SPAG11B: variants seen among roughly 807,000 people sequenced by gnomAD.
SPAG11B encodes sperm associated antigen 11B, also known as sperm-associated antigen 11B.
SPAG11B carries 5 observed loss-of-function variants against 8.9 expected under a neutral mutation model. That is an observed-to-expected ratio of 0.56 (90% CI 0.29 to 1.19). The LOEUF (loss-of-function observed/expected upper bound fraction) is 1.19, where lower values mean the gene tolerates loss of function less well. Among genes scored for constraint, SPAG11B ranks in the 50% most tolerant of loss-of-function variants. The pLI is 0.08. For synonymous variants in SPAG11B, 12 were observed against 53.0 expected (o/e 0.23, Z 3.36); for missense variants, 38 against 146.4 (o/e 0.26, Z 3.82).
chr8:7,458,857 A>ATATGTAAGG (rs1810605582), intron 2 of SPAG11B, among the ~76,000 whole-genome samples: 1 of 96,402 alleles, frequency 1.0e-5, no homozygotes, highest in African/African-American at 5.3e-5. Context: ...GGAGGAAAGA[A>ATATGTAAGG]TATGTAAGGT....
At chr8:7,453,659 A>T (rs1160236591) in intron 2 of SPAG11B, among the ~76,000 whole-genome samples, 1 of 150,114 alleles carries the variant, frequency 6.7e-6, no homozygotes, top group Non-Finnish European at 1.5e-5. Context: ...TCTTACCTAG[A>T]CATGGATTTT....
At chr8:7,450,449 G>A (rs371545480), downstream of SPAG11B, 117 of 816,326 alleles carry the variant, frequency 1.4e-4, 1 homozygote, top group East Asian at 1.5e-3. Flanking sequence ...TTTGGAGCTC[G>A]GTTTCTAGTC....
intron 2 of SPAG11B, among the ~76,000 whole-genome samples, chr8:7,453,308 A>T (rs1395195138): frequency 6.8e-6 from 1 of 147,098 alleles, no homozygotes; most frequent in Non-Finnish European, 1.5e-5. Flanking sequence ...ATTTGATTTT[A>T]GTCCCAGGAT....
rs544564533 is a variant in SPAG11B, at chr8:7,454,096, A to G, written c.215-3196T>C. Among the ~76,000 whole-genome samples the G allele has an allele frequency of 1.3e-3, 162 of 122,412 alleles. 2 individuals carry two copies. The highest frequency in any genetic ancestry group is 0.013 in the Middle Eastern group (3 of 234). 80.3% of individuals were successfully genotyped at this position (122,412 alleles called of 152,430 possible). A position where few individuals can be genotyped will look rare whatever the true frequency, so the allele number is the denominator to read the frequency against. On this transcript the variant is annotated intron_variant, in intron 2 of 2. Coordinates refer to ENST00000398462, the MANE Select transcript of SPAG11B (RefSeq NM_058201.4). ...CTGAAATCTCTCAAAAAAAAAAAAA[A>G]AAAGAAAGAAAGAAAGAAAAGCAAT...
intron 2 of SPAG11B, chr8:7,451,319 T>C (rs1810143600): frequency 2.7e-6 from 2 of 748,428 alleles, no homozygotes; most frequent in Non-Finnish European, 4.1e-6. Context: ...TTTTTAGTTT[T>C]ATGTCCTACA....
At chr8:7,462,893 C>A (rs1402254362) in intron 1 of SPAG11B, 34 bp from the exon 2 acceptor site, 1 of 1,613,706 alleles carries the variant, frequency 6.2e-7, no homozygotes, top group Non-Finnish European at 8.5e-7. Context: ...TGAGGATGCT[C>A]TGAGGCCTCC....
intron 2 of SPAG11B, among the ~76,000 whole-genome samples, chr8:7,453,616 A>C (rs1364182255): frequency 6.7e-6 from 1 of 150,326 alleles, no homozygotes. Flanking sequence ...TGCGTTATTT[A>C]ACCAGTCTAC....
intron 2 of SPAG11B, 149 bp from the exon 3 acceptor site, chr8:7,451,049 C>G (rs2128872117): frequency 6.6e-7 from 1 of 1,505,840 alleles, no homozygotes; most frequent in East Asian, 2.3e-5. Context: ...GGCCTCTTAG[C>G]TTTAAAACAG....
intron 2 of SPAG11B, among the ~76,000 whole-genome samples, chr8:7,458,107 T>A: frequency 7.4e-6 from 1 of 134,958 alleles, no homozygotes; most frequent in South Asian, 2.6e-4. Context: ...GCAAAGAGAA[T>A]AATGAGCTCA....
chr8:7,453,068 T>C (rs1810278883), intron 2 of SPAG11B, among the ~76,000 whole-genome samples: 1 of 144,534 alleles, frequency 6.9e-6, no homozygotes, highest in South Asian at 2.2e-4. Flanking sequence ...CATGCTCTTC[T>C]CTCATTTGAT....
At position 7,453,152 on chromosome 8, in the gene SPAG11B, A is replaced by G. The variant is rs1810285710; in HGVS notation, c.215-2252T>C. Among the ~76,000 whole-genome samples, 3 of 143,592 alleles carry G rather than the reference A, an allele frequency of 2.1e-5. No homozygotes were observed. In the South Asian group the frequency reaches 6.7e-4, roughly 32 times the overall value. The allele number at this position is 143,592 out of a possible 152,430, so 94.2% of individuals were successfully genotyped here. A position where few individuals can be genotyped will look rare whatever the true frequency, so the allele number is the denominator to read the frequency against. On this transcript the variant is annotated intron_variant, in intron 2 of 2. Coordinates refer to ENST00000398462, the MANE Select transcript of SPAG11B (RefSeq NM_058201.4). ...CCCCCGGCAACCACAGGGCTGTGTC[A>G]TCCTGGGCTGGAGGGAGGTTTGTGG... is the stretch of plus-strand genomic sequence containing the variant.
intron 2 of SPAG11B, among the ~76,000 whole-genome samples, chr8:7,453,909 C>CAA (rs1382116252): frequency 6.9e-6 from 1 of 145,736 alleles, no homozygotes; most frequent in Admixed American, 6.8e-5. Flanking sequence ...GACCCTCCAC[C>CAA]AAAAAAAAAG....
chr8:7,451,770 A>G (rs867488753), intron 2 of SPAG11B, among the ~76,000 whole-genome samples: 2,055 of 150,690 alleles, frequency 0.014, 11 homozygotes, highest in African/African-American at 0.049. Flanking sequence ...AACTCATTTA[A>G]CTGGTTACAC....
chr8:7,453,543 A>G (rs1456031877), intron 2 of SPAG11B, among the ~76,000 whole-genome samples: 2 of 148,750 alleles, frequency 1.3e-5, no homozygotes, highest in Non-Finnish European at 3.0e-5. Flanking sequence ...ATTACTTGTT[A>G]TAGCTTGCAG....
At chr8:7,453,582 T>C (rs1810320011) in intron 2 of SPAG11B, among the ~76,000 whole-genome samples, 1 of 149,410 alleles carries the variant, frequency 6.7e-6, no homozygotes, top group Admixed American at 6.7e-5. Context: ...ATTAGACACA[T>C]CATATTTTCT....
At chr8:7,449,553 C>A (rs541604245), downstream of SPAG11B, among the ~76,000 whole-genome samples, 252 of 149,804 alleles carry the variant, frequency 1.7e-3, no homozygotes, top group Admixed American at 2.5e-3. Flanking sequence ...TGCAGAGGTG[C>A]CTGTGCCTAA....
intron 2 of SPAG11B, among the ~76,000 whole-genome samples, chr8:7,453,415 G>C (rs1810304367): frequency 6.7e-6 from 1 of 149,024 alleles, no homozygotes; most frequent in Non-Finnish European, 1.5e-5. Flanking sequence ...AACAATTGCT[G>C]TTAGCTTCTT....
At chr8:7,457,613 GT>G (rs764227577) in intron 2 of SPAG11B, among the ~76,000 whole-genome samples, 1 of 78,364 alleles carries the variant, frequency 1.3e-5, no homozygotes, top group Admixed American at 1.6e-4. Context: ...ACTTTTTAGA[GT>G]TTTTTTTGGT....
chr8:7,448,918 C>A (rs1471954497), downstream of SPAG11B, among the ~76,000 whole-genome samples: 1 of 144,102 alleles, frequency 6.9e-6, no homozygotes, highest in Non-Finnish European at 1.5e-5. Context: ...ACAAACACTT[C>A]CTTTGGAGAA....
Sources: allele counts gnomAD v4.1 joint callset (sites outside exome capture counted in the v4.1 genomes callset), GRCh38; gene constraint gnomAD v4.1.1; transcripts MANE v1.5; gene names NCBI Gene and HGNC (gene_info 2026-07-23, HGNC 2026-07-21).